Variants in ZFHX3 observed in about 807,000 individuals in gnomAD.
The protein encoded by ZFHX3 is zinc finger homeobox 3.
In ZFHX3, 42 loss-of-function variants were observed where a neutral mutation model predicts 279.1. That is an observed-to-expected ratio of 0.15 (90% CI 0.12 to 0.19). The LOEUF (loss-of-function observed/expected upper bound fraction) is 0.19. Among genes scored for constraint, ZFHX3 ranks in the 10% least tolerant of loss-of-function variants. The probability of loss-of-function intolerance (pLI) is 1.00; values close to 1 mark genes in which losing one functional copy is unlikely to be tolerated. For missense variants in ZFHX3, 4,981 were observed against 4,754.0 expected, an observed-to-expected ratio of 1.05 and a Z score of -1.40; for synonymous variants, 2,293 against 1,957.8, an observed-to-expected ratio of 1.17 and a Z score of -4.52.
intron 1 of ZFHX3, among the ~76,000 whole-genome samples, chr16:72,990,067 TC>T (rs879553908): frequency 6.6e-6 from 1 of 151,950 alleles, no homozygotes; most frequent in African/African-American, 2.4e-5. Flanking sequence ...TGGGTTTTTT[TC>T]CCCCCACCGT....
At chr16:73,055,919 C>T (rs1422564350) in intron 1 of ZFHX3, among the ~76,000 whole-genome samples, 1 of 152,010 alleles carries the variant, frequency 6.6e-6, no homozygotes, top group Non-Finnish European at 1.5e-5. Flanking sequence ...TTAAAAAGTC[C>T]ACAGATCTGA....
chr16:73,888,402 A>G (rs916755808), intron 1 of ZFHX3, among the ~76,000 whole-genome samples: 1 of 152,242 alleles, frequency 6.6e-6, no homozygotes. Flanking sequence ...GCCCAAGATG[A>G]GAGACAAAGA....
At chr16:73,557,912 C>G (rs2020311288) in intron 2 of ZFHX3, among the ~76,000 whole-genome samples, 1 of 152,062 alleles carries the variant, frequency 6.6e-6, no homozygotes, top group African/African-American at 2.4e-5. Context: ...CCTGCTCAAC[C>G]AAAACCCCCA....
chr16:72,976,448 T>C (rs980077516), intron 1 of ZFHX3, among the ~76,000 whole-genome samples: 3 of 152,228 alleles, frequency 2.0e-5, no homozygotes, highest in Admixed American at 6.5e-5. Context: ...AACTACTCAC[T>C]GGTTGTTCTA....
intron 2 of ZFHX3, among the ~76,000 whole-genome samples, chr16:73,510,488 T>G (rs192081377): frequency 3.9e-5 from 6 of 152,214 alleles, no homozygotes; most frequent in Non-Finnish European, 5.9e-5. Context: ...TATCCTAATT[T>G]TTCATCCGAG....
chr16:73,258,338 C>CATATAT (rs59013847), intron 4 of ZFHX3, among the ~76,000 whole-genome samples: 2,222 of 124,908 alleles, frequency 0.018, 99 homozygotes, highest in African/African-American at 0.054. Context: ...TTTGCTATGA[C>CATATAT]ATATATATAT....
At chr16:73,201,479 G>A (rs1420344822) in intron 5 of ZFHX3, among the ~76,000 whole-genome samples, 2 of 152,296 alleles carry the variant, frequency 1.3e-5, no homozygotes, top group East Asian at 1.9e-4. Context: ...ACCCAAAGAG[G>A]CTTGATTAAT....
chr16:73,823,217 C>T (rs1480872769), intron 1 of ZFHX3, among the ~76,000 whole-genome samples: 4 of 152,038 alleles, frequency 2.6e-5, no homozygotes, highest in African/African-American at 9.7e-5. Context: ...TAGGCTAAGA[C>T]CTTACACCAA....
intron 2 of ZFHX3, among the ~76,000 whole-genome samples, chr16:73,553,041 C>A (rs200887453): frequency 1.3e-5 from 2 of 152,156 alleles, no homozygotes; most frequent in Non-Finnish European, 2.9e-5. Context: ...CTAATCACAT[C>A]GCCTGTGAAT....
intron 3 of ZFHX3, among the ~76,000 whole-genome samples, chr16:72,899,753 C>A (rs1804783959): frequency 6.6e-6 from 1 of 152,100 alleles, no homozygotes; most frequent in Non-Finnish European, 1.5e-5. Context: ...AATAACAGAG[C>A]CTCATTTCAC....
rs573932595 is a variant in ZFHX3, at chr16:73,238,710, C to T, written c.-1104+18337G>A. Reference sequence around the variant, plus strand: ...TTCTTACATGGCCTTCCAGGCTGTTCATGACCTGTGTGCTGCCTCTCCCTC... The same window carrying T: ...TTCTTACATGGCCTTCCAGGCTGTTTATGACCTGTGTGCTGCCTCTCCCTC... On this transcript the variant is annotated intron_variant, in intron 5 of 17. Coordinates refer to the ZFHX3 transcript ENST00000641206. 1.8e-4 allele frequency among the ~76,000 whole-genome samples: 27 copies of T among 152,274 alleles called. 1 individual carries two copies. The highest frequency in any genetic ancestry group is 1.1e-3 in the Admixed American group (17 of 15,296).
At chr16:73,675,903 C>T (rs1055557150) in intron 2 of ZFHX3, among the ~76,000 whole-genome samples, 5 of 151,882 alleles carry the variant, frequency 3.3e-5, no homozygotes, top group African/African-American at 1.2e-4. Context: ...ATTAATACAA[C>T]AAAATTACAA....
chr16:73,705,104 C>A (rs1216086387), intron 1 of ZFHX3, among the ~76,000 whole-genome samples: 2 of 152,096 alleles, frequency 1.3e-5, no homozygotes, highest in East Asian at 3.8e-4. Context: ...AAGACAAGAG[C>A]ATACAGAATA....
chr16:73,808,564 G>A (rs1225151894), intron 1 of ZFHX3: 1 of 152,242 alleles, frequency 6.6e-6, no homozygotes, highest in Non-Finnish European at 1.5e-5. Flanking sequence ...TGGCACGCTA[G>A]TCAGCTTTCG....
chr16:73,087,044 T>G (rs1966018363), intron 8 of ZFHX3, among the ~76,000 whole-genome samples: 1 of 152,182 alleles, frequency 6.6e-6, no homozygotes, highest in Non-Finnish European at 1.5e-5. Flanking sequence ...TCATTACCCA[T>G]TGTTCACATG....
intron 7 of ZFHX3, among the ~76,000 whole-genome samples, chr16:73,122,136 A>G (rs563766881): frequency 1.3e-5 from 2 of 152,282 alleles, no homozygotes; most frequent in South Asian, 4.1e-4. Flanking sequence ...TACCCTATCC[A>G]TACTTGTGAA....
chr16:73,388,083 A>G lies in ZFHX3; in HGVS notation c.-1291+67920T>C, dbSNP rs2016937170. ...AACCTCTATTTAGAGATGATTGGAA[A>G]AAATCAGTGCCACACAGTGCACTTG... is the stretch of plus-strand genomic sequence containing the variant. On this transcript the variant is annotated intron_variant, in intron 3 of 17. Transcript: ENST00000641206. Among the ~76,000 whole-genome samples, 3 of 152,142 alleles carry G rather than the reference A, an allele frequency of 2.0e-5. No homozygotes were observed. In the South Asian group the frequency reaches 6.2e-4, roughly 31 times the overall value.
At chr16:73,010,912 C>T (rs1169948736) in intron 1 of ZFHX3, among the ~76,000 whole-genome samples, 1 of 152,130 alleles carries the variant, frequency 6.6e-6, no homozygotes. Context: ...TCAAGTGATC[C>T]TCCCAAGTCT....
chr16:73,406,812 CAGAA>C (rs1350444887), intron 3 of ZFHX3, among the ~76,000 whole-genome samples: 5 of 152,174 alleles, frequency 3.3e-5, no homozygotes, highest in Non-Finnish European at 7.4e-5. Flanking sequence ...TGCAAAAGAA[CAGAA>C]AGAAAGAGTT....
Sources: allele counts gnomAD v4.1 joint callset (sites outside exome capture counted in the v4.1 genomes callset), GRCh38; gene constraint gnomAD v4.1.1; transcripts MANE v1.5; gene names NCBI Gene and HGNC (gene_info 2026-07-23, HGNC 2026-07-21).